The following SMARCA4 variants were observed in gnomAD, a reference collection of about 807,000 sequenced individuals.
SMARCA4 encodes SWI/SNF-related matrix-associated actin-dependent regulator of chromatin subfamily A member 4.
A neutral mutation model predicts 193.9 loss-of-function variants in SMARCA4; 31 were observed. The observed-to-expected ratio is 0.16, with a 90% CI of 0.12 to 0.22. The LOEUF is 0.22. SMARCA4 is among the 10% of genes least tolerant of loss of function. SMARCA4 has a pLI of 1.00. For synonymous variants in SMARCA4, 942 were observed against 933.1 expected, an observed-to-expected ratio of 1.01 and a Z score of -0.17; for missense variants, 1,148 against 2,296.0, an observed-to-expected ratio of 0.50 and a Z score of 10.22.
At chr19:11,008,141 C>T in intron 14 of SMARCA4, 118 bp downstream of exon 14, 1 of 1,055,616 alleles carries the variant, frequency 9.5e-7, no homozygotes, top group Non-Finnish European at 1.4e-6. Context: ...CCAGCTGCTA[C>T]TGTGGAACTA....
intron 22 of SMARCA4, among the ~76,000 whole-genome samples, chr19:11,025,911 A>T (rs550762309): frequency 6.6e-6 from 1 of 152,074 alleles, no homozygotes; most frequent in East Asian, 1.9e-4. Context: ...GGCTTTGAGA[A>T]TCTGGGTTCT....
chr19:11,057,067 T>TC (rs1319166304), intron 30 of SMARCA4, among the ~76,000 whole-genome samples: 1 of 152,202 alleles, frequency 6.6e-6, no homozygotes, highest in African/African-American at 2.4e-5. Flanking sequence ...GGACCCAAGC[T>TC]CAGCTCCTCC....
Position 11,041,277 on chromosome 19 carries a change from T to C in SMARCA4, c.4171-30T>C, listed in dbSNP as rs2146811080. The C allele has an allele frequency of 6.3e-7, 1 of 1,583,314 alleles. No homozygotes were observed. The highest frequency in any genetic ancestry group is 8.6e-7 in the Non-Finnish European group (1 of 1,162,316). ...TCTGCTTGTCGACCTGGGTGCTGGC[T>C]GTCCTATTTTACTACTATTGACCCT... On this transcript the variant is annotated intron_variant, in intron 29 of 34. Coordinates refer to ENST00000344626, the MANE Select transcript of SMARCA4 (RefSeq NM_003072.5). The surrounding 1 kb of genome is among the most constrained non-coding windows in gnomAD (Gnocchi z 5.6).
In SMARCA4 at chr19:10,984,772, G is replaced by A. The variant is rs1025477304; in HGVS notation, c.222+399G>A. On this transcript the variant is annotated intron_variant, in intron 2 of 34. Coordinates refer to ENST00000344626, the MANE Select transcript of SMARCA4 (RefSeq NM_003072.5). The surrounding 1 kb of genome is among the most constrained non-coding windows in gnomAD (Gnocchi z 4.3). ...TGTGCAGCTCGCAGAGCCGAGCAGC[G>A]GGTTCCCTTTCCTCCAAGGCGTGCC... is the stretch of plus-strand genomic sequence containing the variant. 2.6e-5 allele frequency among the ~76,000 whole-genome samples: 4 copies of A among 152,220 alleles called. No homozygotes were observed. The highest frequency in any genetic ancestry group is 4.8e-5 in the African/African-American group (2 of 41,462).
intron 30 of SMARCA4, among the ~76,000 whole-genome samples, chr19:11,054,073 A>C (rs555845455): frequency 1.3e-5 from 2 of 152,220 alleles, no homozygotes; most frequent in African/African-American, 2.4e-5. Flanking sequence ...CACAACAAGG[A>C]AACGTGTTTA....
Position 11,015,869 on chromosome 19 carries a change from G to A in SMARCA4, c.2438+2757G>A, listed in dbSNP as rs1264990709. 3 of 152,160 alleles carry A rather than the reference G, an allele frequency of 2.0e-5. No homozygotes were observed. The East Asian group carries it at 5.8e-4, about 29-fold the overall frequency. 9.4% of individuals were successfully genotyped at this position (152,160 alleles called of 1,614,324 possible). ...CAAAAATACAAAAAAAAATTAGCCA[G>A]GCATGGTGGCGCATGCCTGTAATCC... On this transcript the variant is annotated intron_variant, in intron 16 of 34. Transcript: ENST00000344626.
chr19:11,012,993 G>A lies in SMARCA4; in HGVS notation c.2319G>A (p.Leu773=), dbSNP rs773999088. Residue 773 remains leucine (L), a synonymous_variant, in exon 16 of 35, where the codon CTG becomes CTA. Transcript: ENST00000344626. ...TGGTGTCCCTGTACAACAACAACCT[G>A]AACGGCATCCTGGCCGACGAGATGG... ...EWLVSLYNNN[L]NGILADEMGL... 24 of 1,613,988 alleles carry A rather than the reference G, an allele frequency of 1.5e-5. 1 individual carries two copies. The highest frequency in any genetic ancestry group is 1.7e-5 in the Admixed American group (1 of 59,988).
chr19:11,011,380 AC>A (rs1426789227), intron 15 of SMARCA4: 7 of 152,096 alleles, frequency 4.6e-5, no homozygotes, highest in Admixed American at 1.3e-4. Flanking sequence ...GCGTGCCATC[AC>A]GCCCGGCTAG....
chr19:11,001,247 T>C (rs1033604548), intron 11 of SMARCA4, among the ~76,000 whole-genome samples: 1 of 151,862 alleles, frequency 6.6e-6, no homozygotes, highest in Non-Finnish European at 1.5e-5. Context: ...GGTGGGAGGA[T>C]TGCTTTAGTC....
At chr19:10,968,306 C>T (rs2084397002) in intron 1 of SMARCA4, among the ~76,000 whole-genome samples, 1 of 152,028 alleles carries the variant, frequency 6.6e-6, no homozygotes, top group African/African-American at 2.4e-5. Flanking sequence ...TTTTTTAAGT[C>T]CCAGACTGGT....
chr19:10,965,507 A>G (rs1280140969), intron 1 of SMARCA4, among the ~76,000 whole-genome samples: 2 of 152,238 alleles, frequency 1.3e-5, no homozygotes, highest in African/African-American at 2.4e-5. Context: ...CAAAGGAGTC[A>G]GCTCCTCCAT....
chr19:10,982,750 C>T (rs543445843), intron 1 of SMARCA4, among the ~76,000 whole-genome samples: 7 of 152,166 alleles, frequency 4.6e-5, no homozygotes, highest in East Asian at 2.0e-4. Context: ...GTGATCTGCC[C>T]GCCTTGGCCT....
intron 1 of SMARCA4, among the ~76,000 whole-genome samples, chr19:10,973,200 G>T (rs2145557355): frequency 6.6e-6 from 1 of 152,256 alleles, no homozygotes; most frequent in Middle Eastern, 3.4e-3. Context: ...TACTCTGCGT[G>T]TTATGTTTCT....
chr19:10,989,098 C>T (rs537755751), intron 6 of SMARCA4, among the ~76,000 whole-genome samples: 10 of 152,356 alleles, frequency 6.6e-5, no homozygotes, highest in African/African-American at 2.2e-4. Flanking sequence ...GCGCGTCTAT[C>T]AGGAATCTTG....
chr19:10,996,068 A>T (rs1600080134), intron 9 of SMARCA4, 145 bp from the exon 10 acceptor site: 1 of 819,386 alleles, frequency 1.2e-6, no homozygotes, highest in East Asian at 2.4e-5. Flanking sequence ...CTGAATGAGG[A>T]GTCGATTGCC....
chr19:10,989,497 G>C lies in SMARCA4; in HGVS notation c.1245+54G>C, dbSNP rs1381459073. On this transcript the variant is annotated intron_variant, in intron 7 of 34. Transcript: ENST00000344626. ...GAAAAGGGCCTTTGTCACCAACACT[G>C]CTGCTAAGGCTCCAAATACGGCTTG... The C allele has an allele frequency of 4.4e-6, 7 of 1,601,366 alleles. No individual in the cohort carries two copies. The African/African-American group carries it at 6.7e-5, about 15-fold the overall frequency.
At position 10,975,056 on chromosome 19, in the gene SMARCA4, C is replaced by T. The variant is rs535318783; in HGVS notation, c.-31-9065C>T. On this transcript the variant is annotated intron_variant, in intron 1 of 34. Coordinates refer to ENST00000344626, the MANE Select transcript of SMARCA4 (RefSeq NM_003072.5). ...TTTTTTTTTGAGACAGGGTCTCTGT[C>T]GCTCAGGATGGAGTGCAGTGGCGTG... Among the ~76,000 whole-genome samples, 5 of 129,594 alleles carry T rather than the reference C, an allele frequency of 3.9e-5. No individual in the cohort carries two copies. The East Asian group carries it at 6.6e-4, about 17-fold the overall frequency. The allele number at this position is 129,594 out of a possible 152,430, so 85.0% of individuals were successfully genotyped here.
Position 10,991,144 on chromosome 19 carries a change from C to G in SMARCA4, c.1246-6C>G, listed in dbSNP as rs916108093. On this transcript the variant is annotated splice_region_variant and splice_polypyrimidine_tract_variant and intron_variant, in intron 7 of 34. Transcript: ENST00000344626. Reference sequence around the variant, plus strand: ...GTGCGCGGGCTTGTCCTCTTCCCTCCTACAGCTGCGCCAGGAGGTGGTGGT... The same window carrying G: ...GTGCGCGGGCTTGTCCTCTTCCCTCGTACAGCTGCGCCAGGAGGTGGTGGT... 1.2e-6 allele frequency: 2 copies of G among 1,613,458 alleles called. No homozygotes were observed. Among genetic ancestry groups the G allele is most frequent in the Non-Finnish European group, 1.7e-6 (2 of 1,179,954 alleles).
At chr19:11,047,397 T>G (rs2076000487) in intron 30 of SMARCA4, among the ~76,000 whole-genome samples, 1 of 138,496 alleles carries the variant, frequency 7.2e-6, no homozygotes, top group Non-Finnish European at 1.5e-5. Context: ...CAGAGAAGCC[T>G]CCGTGTCCAG....
Sources: allele counts gnomAD v4.1 joint callset (sites outside exome capture counted in the v4.1 genomes callset), GRCh38; gene constraint gnomAD v4.1.1; non-coding constraint Gnocchi (gnomAD v3.1); transcripts MANE v1.5; gene names NCBI Gene and HGNC (gene_info 2026-07-23, HGNC 2026-07-21).